The following CALN1 variants were observed in gnomAD, a reference collection of about 807,000 sequenced individuals.
The protein encoded by CALN1 is calneuron 1.
Under a neutral mutation model 30.6 loss-of-function variants are expected in CALN1, and 17 were observed. That is an observed-to-expected ratio of 0.56 (90% CI 0.38 to 0.83). The LOEUF is 0.83. CALN1 is among the 40% of genes least tolerant of loss of function. CALN1 has a pLI of 0.00. For synonymous variants in CALN1, 156 were observed against 131.4 expected (o/e 1.19, Z -1.28); for missense variants, 291 against 354.9 (o/e 0.82, Z 1.45).
chr7:72,410,315 TTG>T (rs143643626), intron 1 of CALN1, among the ~76,000 whole-genome samples: 99 of 152,362 alleles, frequency 6.5e-4, no homozygotes, highest in African/African-American at 2.2e-3. Context: ...GGCCATCATT[TTG>T]AATATCTTAC....
At chr7:72,466,572 C>T in the CALN1 span, among the ~76,000 whole-genome samples, 3 of 151,990 alleles carry the variant, frequency 2.0e-5, no homozygotes, top group South Asian at 4.2e-4. Context: ...GGCGAAACCC[C>T]GTCTCTATTA....
At chr7:71,806,053 G>A (rs1003526653) in intron 6 of CALN1, among the ~76,000 whole-genome samples, 1 of 152,160 alleles carries the variant, frequency 6.6e-6, no homozygotes, top group Non-Finnish European at 1.5e-5. Context: ...ACATGTTGCG[G>A]GGTGGGGGAT....
At chr7:71,937,774 T>A (rs572855097) in intron 5 of CALN1, among the ~76,000 whole-genome samples, 1 of 152,228 alleles carries the variant, frequency 6.6e-6, no homozygotes. Flanking sequence ...CCACTGCACC[T>A]GCCAACTCTT....
intron 4 of CALN1, among the ~76,000 whole-genome samples, chr7:72,027,726 AACACACACACACAC>A (rs111705413): frequency 1.0e-4 from 15 of 143,218 alleles, no homozygotes; most frequent in African/African-American, 2.3e-4. Context: ...CAAACAAACA[AACACACACACACAC>A]ACACACACAC....
At chr7:72,336,931 G>A (rs1426543045) in intron 2 of CALN1, 20 of 984,986 alleles carry the variant, frequency 2.0e-5, no homozygotes, top group Non-Finnish European at 2.3e-5. Context: ...GCGCGCGCCG[G>A]GACCTGCACG....
intron 3 of CALN1, among the ~76,000 whole-genome samples, chr7:72,151,237 T>C (rs1295949302): frequency 6.6e-6 from 1 of 152,172 alleles, no homozygotes; most frequent in Non-Finnish European, 1.5e-5. Flanking sequence ...AAGAATCTGT[T>C]CCATGCCTCC....
intron 4 of CALN1, among the ~76,000 whole-genome samples, chr7:72,076,875 A>T (rs1804781149): frequency 6.6e-6 from 1 of 152,134 alleles, no homozygotes; most frequent in Non-Finnish European, 1.5e-5. Flanking sequence ...ACATCGTTCT[A>T]AGTGTCTCCA....
chr7:71,907,856 C>G (rs1342082980), intron 5 of CALN1, among the ~76,000 whole-genome samples: 2 of 152,226 alleles, frequency 1.3e-5, no homozygotes, highest in African/African-American at 4.8e-5. Flanking sequence ...AATGACTTGT[C>G]ATGCGCTTAT....
chr7:72,397,490 A>G (rs111769790), intron 2 of CALN1, among the ~76,000 whole-genome samples: 11 of 152,284 alleles, frequency 7.2e-5, no homozygotes, highest in South Asian at 2.1e-4. Context: ...TGCAGCAGAT[A>G]TAAGAATGAA....
intron 3 of CALN1, among the ~76,000 whole-genome samples, chr7:72,171,955 T>C (rs926628904): frequency 6.6e-6 from 1 of 152,302 alleles, no homozygotes; most frequent in Admixed American, 6.5e-5. Flanking sequence ...ACAGGTCATG[T>C]AGCGATCAAG....
chr7:72,076,365 G>A (rs749001980), intron 4 of CALN1, among the ~76,000 whole-genome samples: 6 of 151,440 alleles, frequency 4.0e-5, no homozygotes, highest in Admixed American at 2.0e-4. Flanking sequence ...TTGGGAGGCC[G>A]AGGCGAGCAG....
intron 3 of CALN1, among the ~76,000 whole-genome samples, chr7:72,236,235 C>T (rs937882157): frequency 7.2e-5 from 11 of 152,106 alleles, no homozygotes; most frequent in East Asian, 1.9e-4. Flanking sequence ...CTCTCACTTA[C>T]GTAAAGGCTC....
chr7:72,334,619 T>C (rs1241786829), intron 2 of CALN1, among the ~76,000 whole-genome samples: 1 of 152,192 alleles, frequency 6.6e-6, no homozygotes, highest in Non-Finnish European at 1.5e-5. Flanking sequence ...TTATTTTCGT[T>C]CTAAAAAGCC....
chr7:71,995,050 C>T (rs996598356), intron 5 of CALN1, among the ~76,000 whole-genome samples: 1 of 152,152 alleles, frequency 6.6e-6, no homozygotes, highest in African/African-American at 2.4e-5. Context: ...GACGGGGTTT[C>T]ACCGTGGTAG....
intron 5 of CALN1, among the ~76,000 whole-genome samples, chr7:72,018,695 C>G (rs1473983720): frequency 2.6e-5 from 4 of 152,160 alleles, no homozygotes; most frequent in African/African-American, 9.7e-5. Context: ...CAATTTCCTG[C>G]AAAGAGCCAG....
At chr7:72,380,263 G>C (rs1481088886) in intron 2 of CALN1, among the ~76,000 whole-genome samples, 1 of 151,988 alleles carries the variant, frequency 6.6e-6, no homozygotes, top group Admixed American at 6.6e-5. Context: ...GTAAACATGG[G>C]GCCTATGAGA....
At chr7:72,424,335 C>T (rs1807727563) in intron 1 of CALN1, among the ~76,000 whole-genome samples, 1 of 152,108 alleles carries the variant, frequency 6.6e-6, no homozygotes, top group Non-Finnish European at 1.5e-5. Context: ...GGCAGAGGAC[C>T]CACTTGAGTT....
At chr7:71,847,743 G>GAAGAAAGAAGAAGAAGA (rs1386376397) in intron 5 of CALN1, among the ~76,000 whole-genome samples, 3 of 94,540 alleles carry the variant, frequency 3.2e-5, no homozygotes, top group African/African-American at 1.2e-4. Flanking sequence ...AAAGAAGAAA[G>GAAGAAAGAAGAAGAAGA]AAGAAGAAAG....
chr7:72,307,872 G>C (rs149567084), intron 2 of CALN1, among the ~76,000 whole-genome samples: 201 of 144,478 alleles, frequency 1.4e-3, no homozygotes, highest in African/African-American at 4.8e-3. Flanking sequence ...GGTCCCAGAC[G>C]ACAAGAGAAG....
Sources: gnomAD v4.1 joint callset for allele counts (sites outside exome capture counted in the v4.1 genomes callset) on GRCh38, gnomAD v4.1.1 for gene constraint, MANE v1.5 for transcripts, NCBI Gene and HGNC (gene_info 2026-07-23, HGNC 2026-07-21) for gene names.